The following NRXN3 variants were observed in gnomAD, a reference collection of about 807,000 sequenced individuals.
The protein encoded by NRXN3 is neurexin III.
In NRXN3, 32 loss-of-function variants were observed where a neutral mutation model predicts 137.6. The observed-to-expected ratio is 0.23, with a 90% confidence interval of 0.18 to 0.31. The LOEUF (loss-of-function observed/expected upper bound fraction) is 0.31. NRXN3 is among the 10% of genes least tolerant of loss of function. The pLI is 1.00. For missense variants in NRXN3, 1,574 were observed against 2,062.5 expected, an observed-to-expected ratio of 0.76 and a Z score of 4.59; for synonymous variants, 798 against 784.5, an observed-to-expected ratio of 1.02 and a Z score of -0.29.
chr14:79,299,633 A>G (rs1227103682), intron 15 of NRXN3, among the ~76,000 whole-genome samples: 1 of 152,132 alleles, frequency 6.6e-6, no homozygotes, highest in African/African-American at 2.4e-5. Context: ...ACATTTTTAC[A>G]TACCCAAAAA....
intron 4 of NRXN3, among the ~76,000 whole-genome samples, chr14:78,372,298 T>C (rs893019717): frequency 3.1e-4 from 47 of 151,872 alleles, no homozygotes; most frequent in African/African-American, 1.0e-3. Context: ...CTTTTCTTTT[T>C]TTTTTTAATT....
At chr14:78,989,838 G>T (rs1475082575) in intron 15 of NRXN3, among the ~76,000 whole-genome samples, 1 of 152,162 alleles carries the variant, frequency 6.6e-6, no homozygotes, top group Non-Finnish European at 1.5e-5. Context: ...TCTCCACACA[G>T]AACAGGTATA....
At chr14:78,809,726 T>A (rs565252471) in intron 9 of NRXN3, among the ~76,000 whole-genome samples, 65 of 151,948 alleles carry the variant, frequency 4.3e-4, no homozygotes, top group Non-Finnish European at 7.5e-4. Context: ...AAGGAGAGGG[T>A]GGAGGGAGTT....
rs2098916229 is a variant in NRXN3, at chr14:78,812,229, TC to T, written c.2275+1887del. The stretch of plus-strand genomic sequence containing the variant: ...CTAGGTAACTATTGGTGTGCTTTGT[TC>T]CAATAAATATGCCTTTTTTGGACAT... On this transcript the variant is annotated intron_variant, in intron 10 of 20. Coordinates refer to ENST00000335750, the MANE Select transcript of NRXN3 (RefSeq NM_001330195.2). Among the ~76,000 whole-genome samples, 4 of 152,334 alleles carry T rather than the reference TC, an allele frequency of 2.6e-5. No homozygotes were observed. The East Asian group carries it at 5.8e-4, about 22-fold the overall frequency.
chr14:78,922,472 T>G (rs1347462094), intron 10 of NRXN3, among the ~76,000 whole-genome samples: 1 of 152,248 alleles, frequency 6.6e-6, no homozygotes, highest in South Asian at 2.1e-4. Flanking sequence ...TATGGCTGTT[T>G]GTCAGATCAA....
At chr14:78,604,571 G>A (rs2152447779) in intron 4 of NRXN3, among the ~76,000 whole-genome samples, 1 of 152,284 alleles carries the variant, frequency 6.6e-6, no homozygotes, top group South Asian at 2.1e-4. Context: ...GATTATAAAT[G>A]GGAAAAGTGA....
chr14:78,724,225 TG>T (rs2098473003), intron 8 of NRXN3, among the ~76,000 whole-genome samples: 1 of 152,252 alleles, frequency 6.6e-6, no homozygotes, highest in African/African-American at 2.4e-5. Flanking sequence ...ATTACGTATG[TG>T]TCTGTGCCTA....
intron 3 of NRXN3, chr14:78,282,291 G>A (rs1490026502): frequency 2.5e-6 from 1 of 403,884 alleles, no homozygotes; most frequent in Non-Finnish European, 5.1e-6. Flanking sequence ...GAAGCCATTT[G>A]GAGGTGAGGA....
At chr14:78,853,521 A>G (rs765785890) in intron 10 of NRXN3, among the ~76,000 whole-genome samples, 2 of 152,160 alleles carry the variant, frequency 1.3e-5, no homozygotes, top group Non-Finnish European at 2.9e-5. Flanking sequence ...GTAATTTCTT[A>G]ATACATATTA....
intron 9 of NRXN3, among the ~76,000 whole-genome samples, chr14:78,808,333 A>G (rs1037784596): frequency 4.6e-5 from 7 of 152,186 alleles, no homozygotes; most frequent in Non-Finnish European, 8.8e-5. Flanking sequence ...CTTCTTGTCT[A>G]ATAATAAAAT....
In NRXN3 at chr14:78,550,353, A is replaced by G. The variant is rs376286931; in HGVS notation, c.758-94767A>G. Among the ~76,000 whole-genome samples, 3 of 152,138 alleles carry G rather than the reference A, an allele frequency of 2.0e-5. No individual in the cohort carries two copies. In the East Asian group the frequency reaches 5.8e-4, roughly 29 times the overall value. On this transcript the variant is annotated intron_variant, in intron 4 of 20. Transcript: ENST00000335750. The stretch of plus-strand genomic sequence containing the variant: ...GCTGGCTCTGCAAACTTTTACTTCT[A>G]TGACCCTTTCTTTCTCTTGGTTTCT...
At chr14:78,363,243 C>T (rs2085402159) in intron 4 of NRXN3, among the ~76,000 whole-genome samples, 1 of 152,194 alleles carries the variant, frequency 6.6e-6, no homozygotes, top group African/African-American at 2.4e-5. Context: ...CATGGCCCGT[C>T]ATGAAGCACT....
intron 8 of NRXN3, among the ~76,000 whole-genome samples, chr14:78,717,847 A>G (rs1395530319): frequency 6.6e-6 from 1 of 152,208 alleles, no homozygotes; most frequent in Non-Finnish European, 1.5e-5. Context: ...AGAAATGTTT[A>G]ACATGTGGTT....
At chr14:79,493,398 C>T (rs745788350) in intron 16 of NRXN3, among the ~76,000 whole-genome samples, 1 of 152,238 alleles carries the variant, frequency 6.6e-6, no homozygotes, top group Non-Finnish European at 1.5e-5. Context: ...TAGCCCAGAA[C>T]AGTGCCTACA....
At chr14:79,297,030 T>C (rs7159954) in intron 15 of NRXN3, among the ~76,000 whole-genome samples, 1,998 of 152,236 alleles carry the variant, frequency 0.013, 33 homozygotes, top group South Asian at 0.08. Flanking sequence ...TGCCTTTGCT[T>C]ATCCTATTTA....
intron 15 of NRXN3, among the ~76,000 whole-genome samples, chr14:79,345,254 A>T (rs531099198): frequency 3.8e-4 from 58 of 152,258 alleles, no homozygotes; most frequent in Admixed American, 5.2e-4. Flanking sequence ...TGTTTCAAAT[A>T]TTTTTAGAGA....
At chr14:79,310,967 T>G (rs997962288) in intron 15 of NRXN3, among the ~76,000 whole-genome samples, 3 of 124,762 alleles carry the variant, frequency 2.4e-5, no homozygotes, top group Admixed American at 8.2e-5. Context: ...CTTCCAACAC[T>G]ATGTTGAATA....
intron 19 of NRXN3, among the ~76,000 whole-genome samples, chr14:79,765,896 AC>A (rs1254101822): frequency 3.3e-5 from 5 of 152,228 alleles, no homozygotes; most frequent in Non-Finnish European, 7.3e-5. Flanking sequence ...ATGTAAAAAA[AC>A]AGTTCTTATA....
chr14:78,220,112 C>G (rs964568838), intron 1 of NRXN3, among the ~76,000 whole-genome samples: 1 of 151,886 alleles, frequency 6.6e-6, no homozygotes. Flanking sequence ...GATGAGAATA[C>G]TAAGGAAGGT....
Sources: allele counts gnomAD v4.1 joint callset (sites outside exome capture counted in the v4.1 genomes callset), GRCh38; gene constraint gnomAD v4.1.1; transcripts MANE v1.5; gene names NCBI Gene and HGNC (gene_info 2026-07-23, HGNC 2026-07-21).